The following NPL variants were observed in gnomAD, a reference collection of about 807,000 sequenced individuals.
NPL encodes N-acetylneuraminate lyase.
Under a neutral mutation model 41.1 loss-of-function variants are expected in NPL, and 32 were observed. That is an observed-to-expected ratio of 0.78 (90% CI 0.59 to 1.05). The LOEUF (loss-of-function observed/expected upper bound fraction) is 1.05, where lower values mean the gene tolerates loss of function less well. Among genes scored for constraint, NPL ranks in the 50% least tolerant of loss-of-function variants. The pLI, the probability that NPL is intolerant of heterozygous loss-of-function variation, is 0.00. For missense variants in NPL, 321 were observed against 378.4 expected (o/e 0.85, Z 1.26); for synonymous variants, 128 against 134.9 (o/e 0.95, Z 0.35).
intron 2 of NPL, among the ~76,000 whole-genome samples, chr1:182,793,155 G>A (rs530007495): frequency 2.2e-4 from 33 of 152,148 alleles, no homozygotes; most frequent in African/African-American, 7.5e-4. Flanking sequence ...TTAAATTTGT[G>A]GTCTGAAATT....
At chr1:182,801,795 C>T (rs1258520646) in intron 3 of NPL, among the ~76,000 whole-genome samples, 6 of 152,050 alleles carry the variant, frequency 3.9e-5, no homozygotes, top group Non-Finnish European at 8.8e-5. Context: ...CACGATTACA[C>T]CACTGCACTC....
chr1:182,815,057 T>C (rs1344646922), intron 7 of NPL, among the ~76,000 whole-genome samples, 199 bp downstream of exon 7: 1 of 152,236 alleles, frequency 6.6e-6, no homozygotes, highest in African/African-American at 2.4e-5. Context: ...TCAGTTCTTT[T>C]GCCCAGTAAT....
chr1:182,792,583 A>G (rs1266575867), intron 2 of NPL, among the ~76,000 whole-genome samples: 2 of 152,234 alleles, frequency 1.3e-5, no homozygotes, highest in Non-Finnish European at 2.9e-5. Flanking sequence ...GATTAGAGCC[A>G]CATCTTATGA....
At position 182,829,966 on chromosome 1, in the gene NPL, T is replaced by C. The variant is rs1355093706; in HGVS notation, c.*1058T>C. 4.2e-6 allele frequency: 1 copy of C among 236,020 alleles called. No homozygotes were observed. Among genetic ancestry groups the C allele is most frequent in the African/African-American group, 2.2e-5 (1 of 44,510 alleles). 14.6% of individuals were successfully genotyped at this position (236,020 alleles called of 1,614,324 possible). On this transcript the variant is annotated 3_prime_UTR_variant, in exon 13 of 13. Coordinates refer to ENST00000367553, the MANE Select transcript of NPL (RefSeq NM_030769.3). ...AAGTATATTGACAGTTAACCCTTAC[T>C]GATTTTAAACTTGACTATCCAGTCT...
rs769551750 is a variant in NPL at position 182,806,180 on chromosome 1, G to A, written c.178G>A (p.Val60Ile). Residue 60 changes from valine (V) to isoleucine (I), a missense_variant, in exon 5 of 13, where the codon GTC (valine) becomes ATC (isoleucine). Val to Ile is a conservative substitution (Grantham distance 29). Coordinates refer to ENST00000367553, the MANE Select transcript of NPL (RefSeq NM_030769.3). ...GTTGEGLSLS[V>I]SERRQVAEEW... ...AACAGGAGAAGGCCTGTCCCTGAGC[G>A]TCTCAGAGCGTCGCCAGGTTGCAGA... is the stretch of plus-strand genomic sequence containing the variant. 2.8e-5 allele frequency: 46 copies of A among 1,614,094 alleles called. No homozygotes were observed. Among genetic ancestry groups the A allele is most frequent in the Non-Finnish European group, 3.3e-5 (39 of 1,180,050 alleles).
At chr1:182,800,030 T>A (rs528249059) in intron 3 of NPL, among the ~76,000 whole-genome samples, 71 of 152,210 alleles carry the variant, frequency 4.7e-4, no homozygotes, top group African/African-American at 1.6e-3. Flanking sequence ...AGAAGAATAA[T>A]CCAATCTCAT....
chr1:182,823,110 G>C (rs939601790), intron 11 of NPL, among the ~76,000 whole-genome samples: 3 of 152,244 alleles, frequency 2.0e-5, no homozygotes, highest in Non-Finnish European at 4.4e-5. Context: ...ATGAGAGCAA[G>C]ACTTTTGGGG....
chr1:182,815,751 CAT>C (rs1377369797), intron 7 of NPL, among the ~76,000 whole-genome samples: 1 of 152,032 alleles, frequency 6.6e-6, no homozygotes. Flanking sequence ...CTTACAGGCG[CAT>C]GCCACCATGC....
chr1:182,793,209 G>A (rs929368727), intron 2 of NPL, among the ~76,000 whole-genome samples: 2 of 152,122 alleles, frequency 1.3e-5, no homozygotes, highest in Non-Finnish European at 2.9e-5. Flanking sequence ...AAACAATAAT[G>A]CTTCTAGAAC....
In NPL at chr1:182,812,166, G is replaced by GTGA; in HGVS notation, c.243_245dup (p.Val81_Ile82insMet). The stretch of plus-strand genomic sequence containing the variant: ...TTTTTTCTTTTGCAGGCTGGATCAG[G>GTGA]TGATAATTCACGTAGGAGCACTGAG... On this transcript the variant is annotated inframe_insertion, in exon 6 of 13. Transcript: ENST00000367553. The GTGA allele has an allele frequency of 2.5e-6, 4 of 1,613,962 alleles. No homozygotes were observed. Among genetic ancestry groups the GTGA allele is most frequent in the Non-Finnish European group, 3.4e-6 (4 of 1,179,842 alleles).
At position 182,803,686 on chromosome 1, in the gene NPL, C is replaced by T. The variant is rs374080642; in HGVS notation, c.69-12C>T. 75 of 1,591,908 alleles carry T rather than the reference C, an allele frequency of 4.7e-5. No homozygotes were observed. Among genetic ancestry groups the T allele is most frequent in the Admixed American group, 8.3e-5 (5 of 59,954 alleles). ...AAGACTAAATATGCCTTTTTTTCCA[C>T]ATGTCTTCTAGAGAAATCAACTTTT... On this transcript the variant is annotated splice_polypyrimidine_tract_variant and intron_variant, in intron 3 of 12. Transcript: ENST00000367553.
intron 5 of NPL, chr1:182,809,303 C>A: frequency 2.5e-6 from 1 of 394,866 alleles, no homozygotes; most frequent in Non-Finnish European, 5.0e-6. Flanking sequence ...CTTTGGGAGG[C>A]CAAGGTAGGC....
intron 3 of NPL, among the ~76,000 whole-genome samples, chr1:182,800,666 T>TA (rs1161902171): frequency 6.7e-6 from 1 of 150,314 alleles, no homozygotes; most frequent in Non-Finnish European, 1.5e-5. Context: ...TCCAGTCCTC[T>TA]AAAGTAGGGC....
intron 5 of NPL, among the ~76,000 whole-genome samples, chr1:182,811,218 T>C (rs563327740): frequency 1.3e-5 from 2 of 152,194 alleles, no homozygotes; most frequent in East Asian, 3.9e-4. Flanking sequence ...TTAGAATTTA[T>C]TATTTATTTT....
intron 5 of NPL, chr1:182,806,533 T>C: frequency 6.5e-7 from 1 of 1,536,126 alleles, no homozygotes; most frequent in Non-Finnish European, 8.7e-7. Context: ...GGCTGAAAGG[T>C]AAGAGGGGAG....
intron 10 of NPL, among the ~76,000 whole-genome samples, chr1:182,821,900 C>T (rs1475414667): frequency 6.6e-6 from 1 of 152,188 alleles, no homozygotes; most frequent in Non-Finnish European, 1.5e-5. Context: ...CTTCCTTTAT[C>T]CCCTTTTGCC....
intron 7 of NPL, 29 bp downstream of exon 7, chr1:182,814,887 T>C (rs2275171): frequency 0.59 from 909,257 of 1,551,052 alleles, 268,857 homozygotes; most frequent in African/African-American, 0.74. Context: ...ATGCATGGCA[T>C]CTCACATGGT....
chr1:182,822,096 T>A lies in NPL; in HGVS notation c.654-19T>A. The stretch of plus-strand genomic sequence containing the variant: ...CTGTTGAGTTATTGAACCTGCAGTA[T>A]TTGTTATTGTCTTGCCAGTACCTAT... On this transcript the variant is annotated intron_variant, in intron 10 of 12. Transcript: ENST00000367553. 1 of 1,532,488 alleles carries A rather than the reference T, an allele frequency of 6.5e-7. No homozygotes were observed. Among genetic ancestry groups the A allele is most frequent in the Admixed American group, 1.7e-5 (1 of 59,932 alleles). 94.9% of individuals were successfully genotyped at this position (1,532,488 alleles called of 1,614,324 possible).
chr1:182,806,513 C>G, intron 5 of NPL: 1 of 1,536,260 alleles, frequency 6.5e-7, no homozygotes, highest in Non-Finnish European at 8.7e-7. Context: ...CTCACAGTTA[C>G]CCGTCTTTGG....
Sources: gnomAD v4.1 joint callset for allele counts (sites outside exome capture counted in the v4.1 genomes callset) on GRCh38, gnomAD v4.1.1 for gene constraint, MANE v1.5 for transcripts, NCBI Gene and HGNC (gene_info 2026-07-23, HGNC 2026-07-21) for gene names.